Variants in PHACTR3 observed in about 807,000 individuals in gnomAD.
The protein encoded by PHACTR3 is phosphatase and actin regulator 3, also known as protein phosphatase 1, regulatory subunit 123.
PHACTR3 carries 16 observed loss-of-function variants against 66.8 expected under a neutral mutation model. That is an observed-to-expected ratio of 0.24 (90% confidence interval 0.16 to 0.36). The LOEUF is 0.36. Ranked by LOEUF, PHACTR3 falls within the 10% of genes least tolerant of loss-of-function variation. The pLI is 1.00. For missense variants in PHACTR3, 647 were observed against 719.9 expected (o/e 0.90, Z 1.16); for synonymous variants, 323 against 292.1 (o/e 1.11, Z -1.08).
chr20:59,798,775 T>A (rs2041327742), intron 7 of PHACTR3, among the ~76,000 whole-genome samples: 1 of 152,094 alleles, frequency 6.6e-6, no homozygotes, highest in African/African-American at 2.4e-5. Context: ...TTCTTCCTGA[T>A]GAATTATTTT....
intron 1 of PHACTR3, chr20:59,676,560 A>T (rs1020113148): frequency 9.7e-5 from 22 of 227,834 alleles, no homozygotes; most frequent in Non-Finnish European, 1.0e-4. Flanking sequence ...CTTCCTGACA[A>T]TTGCAGTGCT....
chr20:59,761,321 C>T (rs967965415), intron 4 of PHACTR3, among the ~76,000 whole-genome samples: 7 of 152,100 alleles, frequency 4.6e-5, no homozygotes, highest in African/African-American at 1.7e-4. Flanking sequence ...GGCCTGGGCT[C>T]TGGGCAACTG....
Position 59,604,877 on chromosome 20 carries a change from CTTTTTT to C in PHACTR3, c.-121_-116del. On this transcript the variant is annotated 5_prime_UTR_variant, in exon 1 of 13. Coordinates refer to ENST00000371015, the MANE Select transcript of PHACTR3 (RefSeq NM_080672.5). ...TCTCCAGCTCGTTTCCTTTCCCGGC[CTTTTTT>C]TTTTTTTTTTTTTTTTAATTTTCTT... is the stretch of plus-strand genomic sequence containing the variant. 3 of 977,902 alleles carry C rather than the reference CTTTTTT, an allele frequency of 3.1e-6. No homozygotes were observed. Among genetic ancestry groups the C allele is most frequent in the Non-Finnish European group, 3.6e-6 (3 of 829,322 alleles). The allele number at this position is 977,902 out of a possible 1,614,324, so 60.6% of individuals were successfully genotyped here. A position where few individuals can be genotyped will look rare whatever the true frequency, so the allele number is the denominator to read the frequency against.
rs191238630 is a variant in PHACTR3 at position 59,738,963 on chromosome 20, T to C, written c.119-4144T>C. Among the ~76,000 whole-genome samples the C allele has an allele frequency of 2.0e-5, 3 of 152,184 alleles. No individual in the cohort carries two copies. The highest frequency in any genetic ancestry group is 6.5e-5 in the Admixed American group (1 of 15,288). On this transcript the variant is annotated intron_variant, in intron 1 of 12. Coordinates refer to ENST00000371015, the MANE Select transcript of PHACTR3 (RefSeq NM_080672.5). The surrounding 1 kb of genome is among the most constrained non-coding windows in gnomAD (Gnocchi z 4.4). ...CCAGGGCCATGTGGAGTCACAGTCT[T>C]GCTCCCATCTGGTGTCTGTAGGTGG... is the stretch of plus-strand genomic sequence containing the variant.
At chr20:59,611,753 C>T (rs1479194619) in intron 1 of PHACTR3, among the ~76,000 whole-genome samples, 1 of 152,212 alleles carries the variant, frequency 6.6e-6, no homozygotes, top group Non-Finnish European at 1.5e-5. Flanking sequence ...TTCCCCGGCT[C>T]CCTTCCTGGC....
intron 1 of PHACTR3, among the ~76,000 whole-genome samples, chr20:59,663,038 A>C (rs1287005655): frequency 6.6e-6 from 1 of 152,218 alleles, no homozygotes; most frequent in Non-Finnish European, 1.5e-5. Context: ...CTGGGGCAGG[A>C]TGCCCCTGGG....
chr20:59,698,887 C>T (rs895349170), intron 1 of PHACTR3, among the ~76,000 whole-genome samples: 3 of 152,160 alleles, frequency 2.0e-5, no homozygotes, highest in Non-Finnish European at 4.4e-5. Flanking sequence ...AAGAATTCAG[C>T]TTGCCATCCT....
chr20:59,706,483 TG>T (rs2037704713), intron 1 of PHACTR3, among the ~76,000 whole-genome samples: 1 of 152,140 alleles, frequency 6.6e-6, no homozygotes, highest in African/African-American at 2.4e-5. Context: ...CCCATCTAGG[TG>T]GTTGGGCCTG....
intron 1 of PHACTR3, among the ~76,000 whole-genome samples, chr20:59,678,652 G>A (rs1300748032): frequency 6.6e-6 from 1 of 152,174 alleles, no homozygotes; most frequent in Admixed American, 6.5e-5. Context: ...TTTGTAATCT[G>A]TGTTTTGTGG....
intron 7 of PHACTR3, among the ~76,000 whole-genome samples, chr20:59,779,342 T>C (rs868395394): frequency 2.0e-5 from 3 of 152,234 alleles, no homozygotes; most frequent in Non-Finnish European, 2.9e-5. Flanking sequence ...ACAGAAAGTA[T>C]ATAAATGTTG....
intron 1 of PHACTR3, among the ~76,000 whole-genome samples, chr20:59,673,729 G>C (rs1418584139): frequency 1.3e-5 from 2 of 152,190 alleles, no homozygotes; most frequent in Admixed American, 1.3e-4. Context: ...GCTCTTGGAT[G>C]GGCCCTCGGC....
chr20:59,842,731 C>T (rs2059085461), intron 11 of PHACTR3, among the ~76,000 whole-genome samples: 1 of 152,150 alleles, frequency 6.6e-6, no homozygotes, highest in Non-Finnish European at 1.5e-5. Context: ...GAAGTTTACT[C>T]ATTATCTTGG....
chr20:59,758,766 T>C (rs947223132), intron 4 of PHACTR3, among the ~76,000 whole-genome samples: 1 of 152,128 alleles, frequency 6.6e-6, no homozygotes, highest in Non-Finnish European at 1.5e-5. Context: ...CCGACCTGGG[T>C]TTGAGACACA....
intron 1 of PHACTR3, among the ~76,000 whole-genome samples, chr20:59,644,254 T>C (rs1408196768): frequency 6.6e-6 from 1 of 152,224 alleles, no homozygotes; most frequent in African/African-American, 2.4e-5. Flanking sequence ...AGAAGGCAGC[T>C]GCAAATCAAG....
chr20:59,773,953 A>G (rs540602919), intron 6 of PHACTR3, among the ~76,000 whole-genome samples: 1 of 152,338 alleles, frequency 6.6e-6, no homozygotes, highest in Non-Finnish European at 1.5e-5. Context: ...AGACAAACAA[A>G]ATGTCCTTCT....
intron 7 of PHACTR3, among the ~76,000 whole-genome samples, chr20:59,802,227 C>T (rs146134277): frequency 0.012 from 1,757 of 152,186 alleles, 30 homozygotes; most frequent in African/African-American, 0.039. Flanking sequence ...ATGGAAATCT[C>T]GAGCCAGTAG....
chr20:59,840,471 C>A, intron 10 of PHACTR3, 41 bp downstream of exon 10: 1 of 1,608,400 alleles, frequency 6.2e-7, no homozygotes, highest in South Asian at 1.1e-5. Context: ...AAAAGGTGGT[C>A]TAGAGAACAG....
chr20:59,643,203 GC>G (rs1236046130), intron 1 of PHACTR3, among the ~76,000 whole-genome samples: 2 of 152,082 alleles, frequency 1.3e-5, no homozygotes, highest in Non-Finnish European at 2.9e-5. Flanking sequence ...GAGCCACTGC[GC>G]CGGCCTAATT....
rs373943373 is a variant in PHACTR3 at position 59,755,359 on chromosome 20, A to G, written c.536A>G (p.Asp179Gly). Residue 179 changes from aspartate to glycine, a missense_variant, in exon 4 of 13, where the codon GAT (aspartate) becomes GGT (glycine). Physicochemically the swap from Asp to Gly is moderately conservative, Grantham distance 94. Coordinates refer to ENST00000371015, the MANE Select transcript of PHACTR3 (RefSeq NM_080672.5). The part of the protein sequence containing the change: ...KPLSSAAHLD[D>G]AAKMPSASSG... ...CTGTCCTCAGCTGCCCACTTGGACG[A>G]TGCAGGTACTGGCTGGAGACCACGC... The G allele has an allele frequency of 6.2e-7, 1 of 1,613,278 alleles. No individual in the cohort carries two copies. Among genetic ancestry groups the G allele is most frequent in the Non-Finnish European group, 8.5e-7 (1 of 1,179,940 alleles).
Sources: gnomAD v4.1 joint callset for allele counts (sites outside exome capture counted in the v4.1 genomes callset) on GRCh38, gnomAD v4.1.1 for gene constraint, Gnocchi (gnomAD v3.1) non-coding constraint, MANE v1.5 for transcripts, NCBI Gene and HGNC (gene_info 2026-07-23, HGNC 2026-07-21) for gene names.